Variants in SGCZ observed in about 807,000 individuals in gnomAD.
SGCZ encodes sarcoglycan zeta.
A neutral mutation model predicts 41.3 loss-of-function variants in SGCZ; 40 were observed. That is an observed-to-expected ratio of 0.97 (90% CI 0.75 to 1.26). The LOEUF is 1.26. Ranked by LOEUF, SGCZ falls within the 50% of genes most tolerant of loss-of-function variation. The pLI is 0.00. For missense variants in SGCZ, 552 were observed against 369.8 expected (o/e 1.49, Z -4.04); for synonymous variants, 206 against 137.5 (o/e 1.50, Z -3.49).
chr8:14,383,429 C>A (rs940982055), intron 2 of SGCZ, among the ~76,000 whole-genome samples: 2 of 152,152 alleles, frequency 1.3e-5, no homozygotes, highest in African/African-American at 4.8e-5. Flanking sequence ...TGTATATAAT[C>A]TCAGGTTACA....
intron 1 of SGCZ, among the ~76,000 whole-genome samples, chr8:14,610,318 C>T (rs1805885790): frequency 6.6e-6 from 1 of 152,116 alleles, no homozygotes; most frequent in South Asian, 2.1e-4. Flanking sequence ...TGAAAGATGC[C>T]CTCCCTCTAC....
intron 1 of SGCZ, among the ~76,000 whole-genome samples, chr8:14,758,736 C>G (rs926693624): frequency 1.3e-5 from 2 of 152,018 alleles, no homozygotes; most frequent in Non-Finnish European, 2.9e-5. Flanking sequence ...AGGCCGAGTG[C>G]GGTGGCTCAC....
intron 4 of SGCZ, among the ~76,000 whole-genome samples, chr8:14,173,532 T>A (rs1000968742): frequency 1.3e-5 from 2 of 152,092 alleles, no homozygotes; most frequent in African/African-American, 4.8e-5. Context: ...AAAGAATTAG[T>A]GAACTTGAAA....
intron 1 of SGCZ, among the ~76,000 whole-genome samples, chr8:14,754,543 T>C (rs780346056): frequency 2.4e-4 from 37 of 152,332 alleles, no homozygotes; most frequent in South Asian, 6.2e-4. Context: ...ACATATATTA[T>C]AGGAATCCAG....
chr8:14,574,408 T>C (rs915990748), intron 1 of SGCZ, among the ~76,000 whole-genome samples: 1 of 152,058 alleles, frequency 6.6e-6, no homozygotes, highest in African/African-American at 2.4e-5. Flanking sequence ...GGTATTACTC[T>C]AACTTTCCCC....
chr8:14,170,307 T>A (rs1804339879), intron 4 of SGCZ, among the ~76,000 whole-genome samples: 1 of 152,182 alleles, frequency 6.6e-6, no homozygotes, highest in Admixed American at 6.6e-5. Flanking sequence ...AATTTTCTCA[T>A]AGCCTTTGTA....
intron 5 of SGCZ, among the ~76,000 whole-genome samples, chr8:14,154,573 C>T (rs1171792665): frequency 2.6e-5 from 4 of 152,040 alleles, no homozygotes; most frequent in African/African-American, 9.7e-5. Flanking sequence ...CAATTTTAAA[C>T]CTAAAGAAAA....
intron 6 of SGCZ, among the ~76,000 whole-genome samples, chr8:14,106,998 G>A (rs1802223063): frequency 6.6e-6 from 1 of 152,050 alleles, no homozygotes; most frequent in Non-Finnish European, 1.5e-5. Flanking sequence ...GGGCGGATCA[G>A]AAGGTCAGGA....
intron 5 of SGCZ, among the ~76,000 whole-genome samples, chr8:14,137,960 C>A (rs1803252445): frequency 6.6e-6 from 1 of 152,148 alleles, no homozygotes; most frequent in South Asian, 2.1e-4. Flanking sequence ...AAGGGAAGCC[C>A]ATCAGACTAA....
At chr8:14,179,722 A>G (rs1016695871) in intron 4 of SGCZ, among the ~76,000 whole-genome samples, 1 of 152,160 alleles carries the variant, frequency 6.6e-6, no homozygotes. Context: ...GACATGTAAC[A>G]TACTCTAAGC....
At chr8:15,151,655 A>G (rs1174096700) in intron 1 of SGCZ, among the ~76,000 whole-genome samples, 2 of 152,250 alleles carry the variant, frequency 1.3e-5, no homozygotes, top group African/African-American at 4.8e-5. Flanking sequence ...TTGGATGTAC[A>G]TGTATACACA....
At chr8:14,922,647 A>G (rs2130793436) in intron 1 of SGCZ, among the ~76,000 whole-genome samples, 1 of 152,288 alleles carries the variant, frequency 6.6e-6, no homozygotes, top group Middle Eastern at 3.4e-3. Flanking sequence ...TCATGAATAC[A>G]AAAACACTTA....
chr8:14,995,873 C>T (rs932695345), intron 1 of SGCZ, among the ~76,000 whole-genome samples: 2 of 151,940 alleles, frequency 1.3e-5, no homozygotes, highest in African/African-American at 2.4e-5. Context: ...TTATGGCATC[C>T]GTTTCTTACC....
At chr8:14,918,501 C>G (rs984651606) in intron 1 of SGCZ, among the ~76,000 whole-genome samples, 1 of 152,096 alleles carries the variant, frequency 6.6e-6, no homozygotes, top group Non-Finnish European at 1.5e-5. Context: ...TATGAAGGAT[C>G]TTCCTACTCA....
intron 4 of SGCZ, among the ~76,000 whole-genome samples, chr8:14,225,376 C>A (rs1336620363): frequency 2.6e-5 from 4 of 151,934 alleles, no homozygotes; most frequent in African/African-American, 9.7e-5. Flanking sequence ...AAACTCTCAG[C>A]AAATATGAAA....
chr8:14,465,471 A>G (rs1264308149), intron 2 of SGCZ, among the ~76,000 whole-genome samples: 2 of 151,680 alleles, frequency 1.3e-5, no homozygotes, highest in African/African-American at 2.4e-5. Flanking sequence ...GTACAGTTGC[A>G]TCATTTTTAA....
At chr8:15,021,475 C>G (rs1175442036) in intron 1 of SGCZ, among the ~76,000 whole-genome samples, 1 of 152,126 alleles carries the variant, frequency 6.6e-6, no homozygotes, top group African/African-American at 2.4e-5. Flanking sequence ...AGGTTGTACA[C>G]CCCTCTGACT....
intron 5 of SGCZ, among the ~76,000 whole-genome samples, chr8:14,136,843 C>T (rs547603107): frequency 1.4e-4 from 22 of 152,310 alleles, no homozygotes; most frequent in Admixed American, 1.4e-3. Context: ...GGACAGACTG[C>T]CTCCTCAAGT....
intron 2 of SGCZ, among the ~76,000 whole-genome samples, chr8:14,506,732 G>A (rs1463577405): frequency 1.3e-5 from 2 of 152,126 alleles, no homozygotes; most frequent in African/African-American, 4.8e-5. Flanking sequence ...AAATTGAATG[G>A]TCCATCTCAG....
Sources: allele counts gnomAD v4.1 joint callset (sites outside exome capture counted in the v4.1 genomes callset), GRCh38; gene constraint gnomAD v4.1.1; transcripts MANE v1.5; gene names NCBI Gene and HGNC (gene_info 2026-07-23, HGNC 2026-07-21).